The following DNAJB6 variants were observed in gnomAD, a reference collection of about 807,000 sequenced individuals.
DNAJB6 encodes the protein dnaJ homolog subfamily B member 6.
DNAJB6 carries 16 observed loss-of-function variants against 42.7 expected under a neutral mutation model. The observed-to-expected ratio is 0.37, with a 90% confidence interval of 0.25 to 0.57. DNAJB6 has a LOEUF of 0.57. DNAJB6 is among the 20% of genes least tolerant of loss of function. The probability of loss-of-function intolerance (pLI) is 0.74; values close to 1 mark genes in which losing one functional copy is unlikely to be tolerated. For missense variants in DNAJB6, 347 were observed against 416.8 expected (o/e 0.83, Z 1.46); for synonymous variants, 170 against 163.5 (o/e 1.04, Z -0.30).
At chr7:157,409,765 A>ACGGCTCTCT (rs978504795) in intron 8 of DNAJB6, 30 bp from the exon 9 acceptor site, 15 of 1,500,832 alleles carry the variant, frequency 1.0e-5, no homozygotes, top group Admixed American at 2.1e-5. Flanking sequence ...CCGCTCACTC[A>ACGGCTCTCT]CGGCTCTCTC....
intron 1 of DNAJB6, among the ~76,000 whole-genome samples, chr7:157,354,250 C>T (rs370336975): frequency 3.3e-5 from 5 of 152,112 alleles, no homozygotes; most frequent in Admixed American, 6.5e-5. Context: ...TGGGTTCAAG[C>T]GATTCTCCTG....
chr7:157,368,378 A>G (rs976431433), intron 5 of DNAJB6, among the ~76,000 whole-genome samples: 1 of 152,180 alleles, frequency 6.6e-6, no homozygotes, highest in Non-Finnish European at 1.5e-5. Flanking sequence ...ATCATTAAGC[A>G]CCATAGTACT....
chr7:157,382,302 C>A lies in DNAJB6; in HGVS notation c.403C>A (p.Arg135=). 1.2e-6 allele frequency: 2 copies of A among 1,611,918 alleles called. No individual in the cohort carries two copies. The highest frequency in any genetic ancestry group is 1.7e-6 in the Non-Finnish European group (2 of 1,179,592). ...NRRGPRGSRS[R]GTGSFFSAFS... ...AAGGGGTCCCCGAGGAAGCAGAAGC[C>A]GAGGGACGGGGTCGTTTTTCTCTGC... Residue 135 remains arginine, a synonymous_variant, in exon 6 of 10, where the codon CGA becomes AGA. Transcript: ENST00000262177.
intron 5 of DNAJB6, chr7:157,381,533 T>C (rs142968037): frequency 6.6e-6 from 1 of 152,214 alleles, no homozygotes; most frequent in Non-Finnish European, 1.5e-5. Flanking sequence ...ACTTTGTGTT[T>C]CCACTTGGCA....
chr7:157,391,955 T>C (rs1481388650), intron 8 of DNAJB6, among the ~76,000 whole-genome samples: 2 of 151,770 alleles, frequency 1.3e-5, no homozygotes, highest in Middle Eastern at 3.2e-3. Flanking sequence ...ATATGAAAAT[T>C]AGCTGGGCTT....
intron 1 of DNAJB6, among the ~76,000 whole-genome samples, chr7:157,343,748 T>C (rs566111963): frequency 3.9e-5 from 6 of 152,204 alleles, no homozygotes; most frequent in Non-Finnish European, 7.3e-5. Context: ...CCACGCCTAA[T>C]CTTTATGTGA....
chr7:157,395,947 ATTT>A (rs60935303), intron 8 of DNAJB6, among the ~76,000 whole-genome samples: 3 of 62,872 alleles, frequency 4.8e-5, no homozygotes, highest in African/African-American at 5.1e-5. Flanking sequence ...TGAGCCTGTA[ATTT>A]TTTTTTTTTT....
At chr7:157,384,726 G>T in intron 6 of DNAJB6, 141 bp from the exon 7 acceptor site, 1 of 772,600 alleles carries the variant, frequency 1.3e-6, no homozygotes, top group South Asian at 1.8e-5. Flanking sequence ...TTCAGCTGAG[G>T]CCTTGATAGT....
chr7:157,404,274 C>T (rs145367686), intron 8 of DNAJB6, among the ~76,000 whole-genome samples: 46 of 150,450 alleles, frequency 3.1e-4, no homozygotes, highest in African/African-American at 1.0e-3. Context: ...ACTTTCAGCC[C>T]TACTGTGCAG....
At chr7:157,361,014 C>T (rs773119550) in intron 2 of DNAJB6, among the ~76,000 whole-genome samples, 1 of 152,116 alleles carries the variant, frequency 6.6e-6, no homozygotes, top group Non-Finnish European at 1.5e-5. Flanking sequence ...GTCCTGCATT[C>T]TCATCCATTG....
rs1460263816 is a variant in DNAJB6, at chr7:157,416,493, G to A, written c.*395G>A. On this transcript the variant is annotated 3_prime_UTR_variant, in exon 10 of 10. Coordinates refer to ENST00000262177, the MANE Select transcript of DNAJB6 (RefSeq NM_058246.4). ...CATTCATGAAATGAGGCTTTCTGTG[G>A]CGGCGTAGTGTTTGGAATTAGAAGG... 1 of 190,446 alleles carries A rather than the reference G, an allele frequency of 5.3e-6. No individual in the cohort carries two copies. 11.8% of individuals were successfully genotyped at this position (190,446 alleles called of 1,614,324 possible). A position where few individuals can be genotyped will look rare whatever the true frequency, so the allele number is the denominator to read the frequency against.
In DNAJB6 at chr7:157,372,429, C is replaced by T. The variant is rs151329040; in HGVS notation, c.346+4946C>T. 6.6e-3 allele frequency among the ~76,000 whole-genome samples: 1,003 copies of T among 152,278 alleles called. 11 individuals carry two copies. Among genetic ancestry groups the T allele is most frequent in the African/African-American group, 0.022 (928 of 41,544 alleles). The stretch of plus-strand genomic sequence containing the variant: ...GAGCTCGGCGAGGAGTGCGAGGAGC[C>T]GCTGAGTGAGGAGGAGCACAGCGGG... On this transcript the variant is annotated intron_variant, in intron 5 of 9. Coordinates refer to ENST00000262177, the MANE Select transcript of DNAJB6 (RefSeq NM_058246.4).
intron 1 of DNAJB6, among the ~76,000 whole-genome samples, chr7:157,356,008 G>T (rs919106237): frequency 2.6e-5 from 4 of 152,216 alleles, no homozygotes; most frequent in African/African-American, 9.6e-5. Context: ...ACAAACACAG[G>T]CACACAAGTG....
chr7:157,342,234 C>T (rs1313938055), intron 1 of DNAJB6, among the ~76,000 whole-genome samples: 1 of 151,734 alleles, frequency 6.6e-6, no homozygotes, highest in Non-Finnish European at 1.5e-5. Context: ...GTGGCGTGAT[C>T]TCAGCTCACC....
At chr7:157,373,462 T>C (rs538791897) in intron 5 of DNAJB6, among the ~76,000 whole-genome samples, 122 of 152,314 alleles carry the variant, frequency 8.0e-4, no homozygotes, top group Non-Finnish European at 1.4e-3. Flanking sequence ...GTGATTCTCT[T>C]GCCTCAGCCT....
intron 8 of DNAJB6, among the ~76,000 whole-genome samples, chr7:157,405,226 G>A (rs1009329): frequency 0.012 from 1,824 of 152,330 alleles, 19 homozygotes; most frequent in Non-Finnish European, 0.018. Flanking sequence ...CAATAGCTGC[G>A]TGAGCTCTAG....
At chr7:157,351,671 C>T (rs928622676) in intron 1 of DNAJB6, among the ~76,000 whole-genome samples, 6 of 150,614 alleles carry the variant, frequency 4.0e-5, no homozygotes, top group Admixed American at 2.6e-4. Flanking sequence ...CAAAAAAAAC[C>T]ACAAAACTTG....
chr7:157,339,281 C>CTTTTTTTTTTTTTTTTTT (rs34284253), intron 1 of DNAJB6, among the ~76,000 whole-genome samples: 1 of 68,260 alleles, frequency 1.5e-5, no homozygotes, highest in Non-Finnish European at 2.8e-5. Context: ...CTGTTTGCAC[C>CTTTTTTTTTTTTTTTTTT]TTTTTTTTTT....
rs187083525 is a variant in DNAJB6 at position 157,376,837 on chromosome 7, G to A, written c.347-5409G>A. Among the ~76,000 whole-genome samples the A allele has an allele frequency of 2.0e-5, 3 of 152,278 alleles. No individual in the cohort carries two copies. The East Asian group carries it at 5.8e-4, about 29-fold the overall frequency. ...AGAGGTTGCAGTGAGCCAAGATCGC[G>A]CCACTACACTCCAGCCTGGGCGACA... On this transcript the variant is annotated intron_variant, in intron 5 of 9. Coordinates refer to ENST00000262177, the MANE Select transcript of DNAJB6 (RefSeq NM_058246.4).
Sources: allele counts gnomAD v4.1 joint callset (sites outside exome capture counted in the v4.1 genomes callset), GRCh38; gene constraint gnomAD v4.1.1; transcripts MANE v1.5; gene names NCBI Gene and HGNC (gene_info 2026-07-23, HGNC 2026-07-21).